CSMD1: variants seen among roughly 807,000 people sequenced by gnomAD.
CSMD1 encodes the protein CUB and Sushi multiple domains 1, also known as CUB and sushi domain-containing protein 1.
CSMD1 carries 213 observed loss-of-function variants against 417.5 expected under a neutral mutation model. The ratio of observed to expected loss-of-function variants is 0.51; its 90% confidence interval spans 0.46 to 0.57. The LOEUF (loss-of-function observed/expected upper bound fraction) is 0.57. CSMD1 is among the 20% of genes least tolerant of loss of function. The pLI is 0.00. For missense variants in CSMD1, 6,923 were observed against 4,529.7 expected, an observed-to-expected ratio of 1.53 and a Z score of -15.17; for synonymous variants, 2,862 against 1,736.8, an observed-to-expected ratio of 1.65 and a Z score of -16.11.
intron 21 of CSMD1, among the ~76,000 whole-genome samples, chr8:3,355,371 C>T (rs1024045003): frequency 6.6e-6 from 1 of 152,170 alleles, no homozygotes; most frequent in African/African-American, 2.4e-5. Flanking sequence ...TACTCTCTAA[C>T]TTTGCTCCTG....
At chr8:3,567,523 G>A (rs1162154022) in intron 10 of CSMD1, among the ~76,000 whole-genome samples, 2 of 147,832 alleles carry the variant, frequency 1.4e-5, no homozygotes, top group African/African-American at 5.0e-5. Flanking sequence ...AGGGGGAAGG[G>A]GATGGGGGAG....
At chr8:3,262,185 ATATAT>A (rs1374754252) in intron 26 of CSMD1, among the ~76,000 whole-genome samples, 1,329 of 46,294 alleles carry the variant, frequency 0.029, 86 homozygotes, top group Admixed American at 0.16. Flanking sequence ...GCTCATATGA[ATATAT>A]ATATATATAT....
chr8:4,449,044 A>G (rs182671288), intron 2 of CSMD1, among the ~76,000 whole-genome samples: 13 of 152,136 alleles, frequency 8.5e-5, no homozygotes, highest in African/African-American at 3.1e-4. Context: ...TTCTTGAGTA[A>G]AAGGCCCACA....
intron 2 of CSMD1, among the ~76,000 whole-genome samples, chr8:4,520,933 G>C (rs927121227): frequency 1.3e-5 from 2 of 152,056 alleles, no homozygotes; most frequent in African/African-American, 4.8e-5. Context: ...ATTAAAATTA[G>C]TCATATCAGT....
At chr8:3,150,475 C>CA in intron 40 of CSMD1, among the ~76,000 whole-genome samples, 1 of 152,336 alleles carries the variant, frequency 6.6e-6, no homozygotes, top group Middle Eastern at 3.4e-3. Context: ...CCTGACTGCT[C>CA]ACTCCTACTG....
At chr8:4,019,631 C>T (rs1284545656) in intron 4 of CSMD1, among the ~76,000 whole-genome samples, 1 of 152,164 alleles carries the variant, frequency 6.6e-6, no homozygotes, top group African/African-American at 2.4e-5. Context: ...CCTTGAAATG[C>T]ATGAGGTTAG....
At chr8:4,616,000 G>A (rs1015117467) in intron 2 of CSMD1, among the ~76,000 whole-genome samples, 5 of 151,934 alleles carry the variant, frequency 3.3e-5, no homozygotes, top group Non-Finnish European at 7.4e-5. Flanking sequence ...TCACCTTTTC[G>A]GTTAGATAAT....
chr8:4,455,994 A>C (rs1358472255), intron 2 of CSMD1, among the ~76,000 whole-genome samples: 1 of 147,714 alleles, frequency 6.8e-6, no homozygotes, highest in Non-Finnish European at 1.5e-5. Context: ...ACAAACAATA[A>C]ATTGCTTATC....
At position 3,630,861 on chromosome 8, in the gene CSMD1, C is replaced by A. The variant is rs576931887; in HGVS notation, c.1010-14064G>T. Reference sequence around the variant, plus strand: ...ATCCCCACAGGCAACCAAGAGGAAACCTCAGTTGGTCTGTTGGTTATATGC... The same window carrying A: ...ATCCCCACAGGCAACCAAGAGGAAAACTCAGTTGGTCTGTTGGTTATATGC... On this transcript the variant is annotated intron_variant, in intron 7 of 69. Transcript: ENST00000635120. Among the ~76,000 whole-genome samples, 17 of 152,276 alleles carry A rather than the reference C, an allele frequency of 1.1e-4. No homozygotes were observed. The East Asian group carries it at 1.5e-3, about 14-fold the overall frequency.
At chr8:4,430,141 A>G (rs866873905) in intron 2 of CSMD1, among the ~76,000 whole-genome samples, 1 of 152,198 alleles carries the variant, frequency 6.6e-6, no homozygotes, top group Non-Finnish European at 1.5e-5. Flanking sequence ...GATTCCACAA[A>G]GCAAATCTAT....
chr8:3,717,001 G>C (rs13279207), intron 6 of CSMD1, among the ~76,000 whole-genome samples: 90,541 of 151,886 alleles, frequency 0.6, 27,049 homozygotes, highest in African/African-American at 0.63. Context: ...GAGGTACAAA[G>C]AACTTAAAAA....
intron 41 of CSMD1, among the ~76,000 whole-genome samples, chr8:3,137,942 C>T (rs1008895710): frequency 2.0e-5 from 3 of 152,106 alleles, no homozygotes; most frequent in Admixed American, 6.6e-5. Flanking sequence ...AACAATATCC[C>T]GGCTGGGCGC....
chr8:4,041,283 C>A (rs1342367061), intron 3 of CSMD1, among the ~76,000 whole-genome samples: 3 of 139,048 alleles, frequency 2.2e-5, no homozygotes, highest in Non-Finnish European at 4.8e-5. Flanking sequence ...TCCCAAAGTA[C>A]GGGGATTACA....
intron 3 of CSMD1, among the ~76,000 whole-genome samples, chr8:4,165,827 G>C (rs779307620): frequency 6.6e-6 from 1 of 152,176 alleles, no homozygotes; most frequent in African/African-American, 2.4e-5. Context: ...CTAGGTTGTT[G>C]CAAAACTAAT....
chr8:4,148,709 G>A (rs925387551), intron 3 of CSMD1, among the ~76,000 whole-genome samples: 8 of 152,010 alleles, frequency 5.3e-5, no homozygotes, highest in African/African-American at 7.2e-5. Context: ...AGCCCACAGC[G>A]AGGGCTCCAC....
At position 4,538,282 on chromosome 8, in the gene CSMD1, C is replaced by G. The variant is rs528996696; in HGVS notation, c.302+99060G>C. On this transcript the variant is annotated intron_variant, in intron 2 of 69. Transcript: ENST00000635120. ...CCTCTTCTGCATTTATTTTGTTATCCTACCACTACGACATTGCAAATATTA... is the reference window on the plus strand; with the variant it reads ...CCTCTTCTGCATTTATTTTGTTATCGTACCACTACGACATTGCAAATATTA... 5.3e-5 allele frequency among the ~76,000 whole-genome samples: 8 copies of G among 151,612 alleles called. No homozygotes were observed. The South Asian group carries it at 1.7e-3, about 32-fold the overall frequency.
chr8:3,757,066 G>C (rs558837700), intron 5 of CSMD1, among the ~76,000 whole-genome samples: 5 of 152,302 alleles, frequency 3.3e-5, no homozygotes, highest in Middle Eastern at 3.4e-3. Context: ...GCCTCTCAGA[G>C]TGCTGGGATT....
chr8:2,964,305 ACCACT>A (rs912096670), intron 59 of CSMD1, among the ~76,000 whole-genome samples: 1 of 152,144 alleles, frequency 6.6e-6, no homozygotes, highest in East Asian at 1.9e-4. Context: ...TCCTTCCCTC[ACCACT>A]CCACCTTCTA....
chr8:4,246,655 C>T (rs796352530), intron 3 of CSMD1, among the ~76,000 whole-genome samples: 1 of 151,934 alleles, frequency 6.6e-6, no homozygotes, highest in Non-Finnish European at 1.5e-5. Context: ...CTGAGGCAAG[C>T]AAAAGAAACA....
Sources: allele counts gnomAD v4.1 joint callset (sites outside exome capture counted in the v4.1 genomes callset), GRCh38; gene constraint gnomAD v4.1.1; transcripts MANE v1.5; gene names NCBI Gene and HGNC (gene_info 2026-07-23, HGNC 2026-07-21).